The following SDK2 variants were observed in gnomAD, a reference collection of about 807,000 sequenced individuals.
The protein encoded by SDK2 is protein sidekick-2.
SDK2 carries 105 observed loss-of-function variants against 253.9 expected under a neutral mutation model. That is an observed-to-expected ratio of 0.41 (90% CI 0.35 to 0.49). SDK2 has a LOEUF of 0.49. SDK2 is among the 20% of genes least tolerant of loss of function. The probability of loss-of-function intolerance (pLI) is 0.06; values close to 1 mark genes in which losing one functional copy is unlikely to be tolerated. For synonymous variants in SDK2, 1,249 were observed against 1,234.9 expected, an observed-to-expected ratio of 1.01 and a Z score of -0.24; for missense variants, 2,608 against 3,003.0, an observed-to-expected ratio of 0.87 and a Z score of 3.07.
Position 73,435,793 on chromosome 17 carries a change from G to T in SDK2, c.1001-149C>A. ...AGAACCTTCTCAGAGGTGCCACTTTGGGTCTAGGGAGAGGAGGAAGATGCT... is the reference window on the plus strand; with the variant it reads ...AGAACCTTCTCAGAGGTGCCACTTTTGGTCTAGGGAGAGGAGGAAGATGCT... On this transcript the variant is annotated intron_variant, in intron 8 of 44. Transcript: ENST00000392650. The surrounding 1 kb of genome is among the most constrained non-coding windows in gnomAD (Gnocchi z 5.7). The T allele has an allele frequency of 1.5e-6, 1 of 648,154 alleles. No individual in the cohort carries two copies. Among genetic ancestry groups the T allele is most frequent in the Non-Finnish European group, 2.6e-6 (1 of 388,334 alleles). 40.2% of individuals were successfully genotyped at this position (648,154 alleles called of 1,614,324 possible).
chr17:73,373,215 G>T (rs1441050621), intron 36 of SDK2, among the ~76,000 whole-genome samples: 1 of 152,208 alleles, frequency 6.6e-6, no homozygotes, highest in African/African-American at 2.4e-5. Flanking sequence ...TTCAAGGCTG[G>T]ATGGTATTCC....
At position 73,387,877 on chromosome 17, in the gene SDK2, C is replaced by A. The variant is rs2270723; in HGVS notation, c.4353G>T (p.Ser1451=). 2 of 1,587,786 alleles carry A rather than the reference C, an allele frequency of 1.3e-6. No homozygotes were observed. The highest frequency in any genetic ancestry group is 1.7e-6 in the Non-Finnish European group (2 of 1,168,246). Residue 1451 remains serine, a synonymous_variant, in exon 30 of 45, where the codon TCG becomes TCT. Coordinates refer to ENST00000392650, the MANE Select transcript of SDK2 (RefSeq NM_001144952.2). ...ELPSGRWALH[S]ASVSHNASSF... The stretch of plus-strand genomic sequence containing the variant: ...TGGAGGCATTGTGGCTCACGGAGGC[C>A]GAGTGCAGTGCCCACCTGCCGCTGG...
intron 2 of SDK2, among the ~76,000 whole-genome samples, chr17:73,488,365 C>T (rs1001718856): frequency 6.6e-6 from 1 of 152,200 alleles, no homozygotes. Context: ...CGCTGTAAGG[C>T]TTGTTTTCAA....
In SDK2 at chr17:73,350,808, A is replaced by G. The variant is rs201242790; in HGVS notation, c.5759-18T>C. ...TTTCTGGGCTGGAGCACAGATAGTC[A>G]GGTATATAGGGTGCTCAGCCCCCTC... On this transcript the variant is annotated intron_variant, in intron 41 of 44. Coordinates refer to ENST00000392650, the MANE Select transcript of SDK2 (RefSeq NM_001144952.2). 93 of 1,596,876 alleles carry G rather than the reference A, an allele frequency of 5.8e-5. No homozygotes were observed. The Admixed American group carries it at 1.5e-3, about 25-fold the overall frequency.
rs917708678 is a variant in SDK2 at position 73,431,549 on chromosome 17, G to C, written c.1433C>G (p.Thr478Ser). 1 of 1,613,878 alleles carries C rather than the reference G, an allele frequency of 6.2e-7. No homozygotes were observed. Among genetic ancestry groups the C allele is most frequent in the Admixed American group, 1.7e-5 (1 of 60,020 alleles). Residue 478 changes from threonine to serine, a missense_variant, in exon 11 of 45, where the codon ACC becomes AGC. Around this residue, in one of 2 missense-constraint regions of SDK2, gnomAD observed 1,505 missense variants for 1,859.1 expected, o/e 0.81. Transcript: ENST00000392650. The surrounding 1 kb of genome is among the most constrained non-coding windows in gnomAD (Gnocchi z 5.6). Reference protein sequence around the residue: ...SDAGTYTCLATNSRGVDEASA... With the variant: ...SDAGTYTCLASNSRGVDEASA... Reference sequence around the variant, plus strand: ...GGCCTCATCGACCCCCCGAGAGTTGGTGGCCAGGCAGGTGTAGGTCCCCGC... The same window carrying C: ...GGCCTCATCGACCCCCCGAGAGTTGCTGGCCAGGCAGGTGTAGGTCCCCGC...
At chr17:73,407,394 C>A (rs1469772167) in intron 18 of SDK2, among the ~76,000 whole-genome samples, 1 of 151,978 alleles carries the variant, frequency 6.6e-6, no homozygotes, top group Non-Finnish European at 1.5e-5. Flanking sequence ...CTGGCAGCAC[C>A]CAGTACCATT....
intron 4 of SDK2, among the ~76,000 whole-genome samples, chr17:73,453,537 C>A (rs891026626): frequency 1.3e-5 from 2 of 152,082 alleles, no homozygotes; most frequent in Non-Finnish European, 2.9e-5. Context: ...GCCACCATCC[C>A]TGGCTAATTT....
chr17:73,457,837 A>G (rs1408305252), intron 3 of SDK2, among the ~76,000 whole-genome samples: 1 of 151,748 alleles, frequency 6.6e-6, no homozygotes, highest in Admixed American at 6.6e-5. Context: ...TTATTTCTCA[A>G]CTCCTCTAAG....
chr17:73,443,981 G>A lies in SDK2; in HGVS notation c.614-3058C>T, dbSNP rs968533138. Among the ~76,000 whole-genome samples, 2 of 152,162 alleles carry A rather than the reference G, an allele frequency of 1.3e-5. No individual in the cohort carries two copies. The highest frequency in any genetic ancestry group is 1.9e-4 in the East Asian group (1 of 5,184). ...GGAGGGTGATGTCCCAGAGGAAGTCGAACCAATGCTCGTGGGGTTAATGAA... is the reference window on the plus strand; with the variant it reads ...GGAGGGTGATGTCCCAGAGGAAGTCAAACCAATGCTCGTGGGGTTAATGAA... On this transcript the variant is annotated intron_variant, in intron 5 of 44. Transcript: ENST00000392650. This position sits in a 1 kb window ranked among gnomAD's most constrained non-coding sequence, Gnocchi z 4.6.
At chr17:73,422,239 G>T (rs1003884572) in intron 15 of SDK2, 48 bp downstream of exon 15, 1 of 1,601,276 alleles carries the variant, frequency 6.2e-7, no homozygotes, top group Non-Finnish European at 8.5e-7. Flanking sequence ...TGCAGCCCCT[G>T]CCTGTTGGAG....
intron 1 of SDK2, among the ~76,000 whole-genome samples, chr17:73,564,586 A>T (rs2045284091): frequency 6.6e-6 from 1 of 152,148 alleles, no homozygotes; most frequent in East Asian, 1.9e-4. Context: ...GCACTTTGGG[A>T]GGTCGAGACA....
At position 73,338,646 on chromosome 17, in the gene SDK2, G is replaced by A. The variant is rs1475759129; in HGVS notation, c.6460C>T (p.Pro2154Ser). 1.3e-6 allele frequency: 2 copies of A among 1,546,080 alleles called. No individual in the cohort carries two copies. The highest frequency in any genetic ancestry group is 1.4e-5 in the African/African-American group (1 of 72,324). The change falls in exon 45 of 45, where the codon CCC (proline) becomes TCC (serine). Residue 2154 changes from proline (P) to serine (S), a missense_variant. Around this residue, in one of 2 missense-constraint regions of SDK2, gnomAD observed 1,103 missense variants for 1,143.9 expected, o/e 0.96. Coordinates refer to ENST00000392650, the MANE Select transcript of SDK2 (RefSeq NM_001144952.2). This position sits in a 1 kb window ranked among gnomAD's most constrained non-coding sequence, Gnocchi z 5.0. The part of the protein sequence containing the change: ...PSQQSTLYRP[P>S]SSLAPGSRAP... Reference sequence around the variant, plus strand: ...CGGGAGCCTGGGGCCAGGCTGCTGGGGGGACGGTAGAGGGTGCTCTGCTGA... The same window carrying A: ...CGGGAGCCTGGGGCCAGGCTGCTGGAGGGACGGTAGAGGGTGCTCTGCTGA...
chr17:73,339,345 G>A (rs1036490455), intron 44 of SDK2, among the ~76,000 whole-genome samples: 6 of 151,174 alleles, frequency 4.0e-5, no homozygotes, highest in Non-Finnish European at 8.8e-5. Flanking sequence ...TCCTGCCTCA[G>A]CCTCCTGAGT....
chr17:73,546,425 C>T (rs1045887302), intron 1 of SDK2, among the ~76,000 whole-genome samples: 5 of 152,206 alleles, frequency 3.3e-5, no homozygotes, highest in Admixed American at 1.3e-4. Context: ...AGGAGGGAGC[C>T]GCAGGCAGGG....
intron 1 of SDK2, among the ~76,000 whole-genome samples, chr17:73,630,338 C>T (rs556551256): frequency 6.6e-6 from 1 of 152,140 alleles, no homozygotes; most frequent in African/African-American, 2.4e-5. Context: ...AAATGGTGCT[C>T]AAGTATGAGA....
At chr17:73,402,797 T>G (rs536372857) in intron 18 of SDK2, among the ~76,000 whole-genome samples, 2 of 151,904 alleles carry the variant, frequency 1.3e-5, no homozygotes, top group South Asian at 2.1e-4. Flanking sequence ...TATTATTTAT[T>G]TATTTATTTT....
rs766107690 is a variant in SDK2, at chr17:73,393,697, T to C, written c.3761A>G (p.Glu1254Gly). The C allele has an allele frequency of 4.4e-6, 7 of 1,593,560 alleles. No individual in the cohort carries two copies. The Admixed American group carries it at 1.2e-4, about 27-fold the overall frequency. Residue 1254 changes from glutamate to glycine, a missense_variant, in exon 27 of 45, where the codon GAA (glutamate) becomes GGA (glycine). Physicochemically the swap from Glu to Gly is moderately conservative, Grantham distance 98. This residue lies in a region of SDK2 where 1,505 missense variants were observed against 1,859.1 expected (regional missense o/e 0.81). Coordinates refer to ENST00000392650, the MANE Select transcript of SDK2 (RefSeq NM_001144952.2). Reference sequence around the variant, plus strand: ...CTGGGCACTGCGAGACGAGTTGCCTTCCACCAGCCAGAATCGGGGCTGGGT... The same window carrying C: ...CTGGGCACTGCGAGACGAGTTGCCTCCCACCAGCCAGAATCGGGGCTGGGT... ...SDTQPRFWLV[E>G]GNSSRSAQLT...
intron 1 of SDK2, among the ~76,000 whole-genome samples, chr17:73,617,299 T>C (rs1357049058): frequency 1.7e-4 from 17 of 98,050 alleles, no homozygotes; most frequent in South Asian, 3.6e-4. Flanking sequence ...AGAGGCCTCC[T>C]GCAGAGGGGA....
rs1226911901 is a variant in SDK2 at position 73,430,668 on chromosome 17, T to A, written c.1481-55A>T. 20 of 1,255,160 alleles carry A rather than the reference T, an allele frequency of 1.6e-5. No individual in the cohort carries two copies. In the East Asian group the frequency reaches 5.3e-4, roughly 34 times the overall value. 77.8% of individuals were successfully genotyped at this position (1,255,160 alleles called of 1,614,324 possible). On this transcript the variant is annotated intron_variant, in intron 11 of 44. Transcript: ENST00000392650. ...AGAAGAGGTGTGGGGGCTGTGTGGCTGGACTCTGGGTGGATACCATATGAA... is the reference window on the plus strand; with the variant it reads ...AGAAGAGGTGTGGGGGCTGTGTGGCAGGACTCTGGGTGGATACCATATGAA...
Sources: allele counts gnomAD v4.1 joint callset (sites outside exome capture counted in the v4.1 genomes callset), GRCh38; gene constraint gnomAD v4.1.1; regional missense constraint gnomAD v4.1.1; non-coding constraint Gnocchi (gnomAD v3.1); transcripts MANE v1.5; gene names NCBI Gene and HGNC (gene_info 2026-07-23, HGNC 2026-07-21).